Variants in HRH4 observed in about 807,000 individuals in gnomAD.
The protein encoded by HRH4 is histamine H4 receptor.
HRH4 carries 12 observed loss-of-function variants against 10.4 expected under a neutral mutation model. The ratio of observed to expected loss-of-function variants is 1.15; its 90% CI spans 0.74 to 1.87. HRH4 has a LOEUF of 1.87. HRH4 is among the 40% of genes most tolerant of loss of function. The probability of loss-of-function intolerance (pLI) is 0.00; values close to 1 mark genes in which losing one functional copy is unlikely to be tolerated. For missense variants in HRH4, 415 were observed against 453.3 expected (o/e 0.92, Z 0.77); for synonymous variants, 154 against 166.6 (o/e 0.92, Z 0.58).
intron 1 of HRH4, among the ~76,000 whole-genome samples, chr18:24,461,439 C>T (rs1272965779): frequency 6.6e-6 from 1 of 152,074 alleles, no homozygotes; most frequent in African/African-American, 2.4e-5. Flanking sequence ...AACTGCCTTG[C>T]ATATAATATG....
chr18:24,477,201 C>T lies in HRH4; in HGVS notation c.812C>T (p.Thr271Ile). Residue 271 changes from threonine (T) to isoleucine (I), a missense_variant, in exon 3 of 3, where the codon ACA becomes ATA. Coordinates refer to ENST00000256906, the MANE Select transcript of HRH4 (RefSeq NM_021624.4). ...TCAAGAACCAAGATGAATAGCAATA[C>T]AATTGCTTCCAAAATGGGTTCCTTC... ...FSSRTKMNSN[T>I]IASKMGSFSQ... 6.2e-7 allele frequency: 1 copy of T among 1,613,674 alleles called. No homozygotes were observed. Among genetic ancestry groups the T allele is most frequent in the Non-Finnish European group, 8.5e-7 (1 of 1,179,576 alleles).
chr18:24,476,145 T>C (rs1307760136), intron 2 of HRH4, among the ~76,000 whole-genome samples: 2 of 152,228 alleles, frequency 1.3e-5, no homozygotes, highest in Non-Finnish European at 2.9e-5. Context: ...TCTTTCTGTA[T>C]ATTGGAATCA....
At chr18:24,461,048 A>G (rs558158413) in intron 1 of HRH4, 127 bp downstream of exon 1, 2 of 676,132 alleles carry the variant, frequency 3.0e-6, no homozygotes, top group South Asian at 6.7e-5. Context: ...AAAAAGTTTA[A>G]GTATTAAATT....
chr18:24,469,099 C>G, intron 2 of HRH4, 148 bp downstream of exon 2: 1 of 607,726 alleles, frequency 1.6e-6, no homozygotes, highest in Non-Finnish European at 2.8e-6. Context: ...GCATAAAGTT[C>G]TTGCTGGTTG....
In HRH4 at chr18:24,470,716, C is replaced by G. The variant is rs528602527; in HGVS notation, c.357+1765C>G. Among the ~76,000 whole-genome samples, 4 of 151,180 alleles carry G rather than the reference C, an allele frequency of 2.6e-5. No homozygotes were observed. In the East Asian group the frequency reaches 5.8e-4, roughly 22 times the overall value. ...ATGGGCTTTCACCGTGTTGGCCAGG[C>G]TGGTTTTGTACTCCTGATCTCATGT... On this transcript the variant is annotated intron_variant, in intron 2 of 2. Coordinates refer to ENST00000256906, the MANE Select transcript of HRH4 (RefSeq NM_021624.4).
chr18:24,464,176 C>T (rs1367338984), intron 1 of HRH4, among the ~76,000 whole-genome samples: 3 of 152,192 alleles, frequency 2.0e-5, no homozygotes. Flanking sequence ...GTGGCTTAAA[C>T]AACTGACATT....
chr18:24,477,846 A>G lies in HRH4; in HGVS notation c.*284A>G, dbSNP rs1910189061. On this transcript the variant is annotated 3_prime_UTR_variant, in exon 3 of 3. Coordinates refer to ENST00000256906, the MANE Select transcript of HRH4 (RefSeq NM_021624.4). ...CAGTTTTGTTTTCTTTCTATGTTCC[A>G]TGCATAATACAGTCTTAAGTGAATT... is the stretch of plus-strand genomic sequence containing the variant. The G allele has an allele frequency of 3.4e-6, 1 of 291,694 alleles. No homozygotes were observed. Among genetic ancestry groups the G allele is most frequent in the Non-Finnish European group, 6.4e-6 (1 of 157,194 alleles). 18.1% of individuals were successfully genotyped at this position (291,694 alleles called of 1,614,324 possible). A position where few individuals can be genotyped will look rare whatever the true frequency, so the allele number is the denominator to read the frequency against.
chr18:24,475,259 G>A lies in HRH4; in HGVS notation c.358-1488G>A, dbSNP rs114755057. ...AAAAAAGATGGTGGCACTAGCCACA[G>A]TCATATCTCTCAAAGTGGCTGGTTG... On this transcript the variant is annotated intron_variant, in intron 2 of 2. Coordinates refer to ENST00000256906, the MANE Select transcript of HRH4 (RefSeq NM_021624.4). 5.1e-3 allele frequency among the ~76,000 whole-genome samples: 745 copies of A among 145,632 alleles called. 2 individuals carry two copies. The highest frequency in any genetic ancestry group is 0.018 in the African/African-American group (689 of 39,234).
In HRH4 at chr18:24,478,622, G is replaced by T. The variant is rs1490775111; in HGVS notation, c.*1060G>T. 2 of 152,334 alleles carry T rather than the reference G, an allele frequency of 1.3e-5. No homozygotes were observed. The highest frequency in any genetic ancestry group is 1.9e-4 in the East Asian group (1 of 5,202). The allele number at this position is 152,334 out of a possible 1,614,324, so 9.4% of individuals were successfully genotyped here. A position where few individuals can be genotyped will look rare whatever the true frequency, so the allele number is the denominator to read the frequency against. On this transcript the variant is annotated 3_prime_UTR_variant, in exon 3 of 3. Coordinates refer to ENST00000256906, the MANE Select transcript of HRH4 (RefSeq NM_021624.4). ...AGGCAGGGGAATTGCTTGAACCCGG[G>T]AGGCGGAGTTTGCCAGCCTGGCAAC...
In HRH4 at chr18:24,477,930, G is replaced by A. The variant is rs1003695796; in HGVS notation, c.*368G>A. On this transcript the variant is annotated 3_prime_UTR_variant, in exon 3 of 3. Transcript: ENST00000256906. ...TCCAGTTTGAAAATCATTCCCTAAA[G>A]CATGCAATAGGAAAAAGAACCTCCT... The A allele has an allele frequency of 6.0e-6, 1 of 165,904 alleles. No homozygotes were observed. Among genetic ancestry groups the A allele is most frequent in the African/African-American group, 2.4e-5 (1 of 41,742 alleles). The allele number at this position is 165,904 out of a possible 1,614,324, so 10.3% of individuals were successfully genotyped here.
chr18:24,460,934 T>G lies in HRH4; in HGVS notation c.193+13T>G, dbSNP rs1909621647. 2 of 1,491,770 alleles carry G rather than the reference T, an allele frequency of 1.3e-6. No homozygotes were observed. The highest frequency in any genetic ancestry group is 2.8e-5 in the African/African-American group (2 of 71,634). The allele number at this position is 1,491,770 out of a possible 1,614,324, so 92.4% of individuals were successfully genotyped here. A position where few individuals can be genotyped will look rare whatever the true frequency, so the allele number is the denominator to read the frequency against. On this transcript the variant is annotated intron_variant, in intron 1 of 2. Coordinates refer to ENST00000256906, the MANE Select transcript of HRH4 (RefSeq NM_021624.4). ...GACTTCTTTGTGGGTAAGTTATATGTCTTTATTTAAGACAGTCTTTTCCGA... is the reference window on the plus strand; with the variant it reads ...GACTTCTTTGTGGGTAAGTTATATGGCTTTATTTAAGACAGTCTTTTCCGA...
chr18:24,470,948 T>C (rs1909926065), intron 2 of HRH4, among the ~76,000 whole-genome samples: 1 of 148,438 alleles, frequency 6.7e-6, no homozygotes, highest in African/African-American at 2.5e-5. Context: ...TTTAACCAAG[T>C]AGTGCAGAAT....
chr18:24,474,881 T>C (rs1350164326), intron 2 of HRH4, among the ~76,000 whole-genome samples: 1 of 152,046 alleles, frequency 6.6e-6, no homozygotes, highest in East Asian at 1.9e-4. Context: ...AGATGGGGTT[T>C]CACCATGTTG....
In HRH4 at chr18:24,477,306, C is replaced by A. The variant is rs770309894; in HGVS notation, c.917C>A (p.Ala306Asp). 28 of 1,614,164 alleles carry A rather than the reference C, an allele frequency of 1.7e-5. No homozygotes were observed. The highest frequency in any genetic ancestry group is 1.1e-5 in the South Asian group (1 of 91,082). Residue 306 changes from alanine to aspartate, a missense_variant, in exon 3 of 3, where the codon GCC becomes GAC. Transcript: ENST00000256906. ...GCCAGGAGATTAGCCAAGTCACTGGCCATTCTCTTAGGGGTTTTTGCTGTT... is the reference window on the plus strand; with the variant it reads ...GCCAGGAGATTAGCCAAGTCACTGGACATTCTCTTAGGGGTTTTTGCTGTT... ...LRARRLAKSLAILLGVFAVCW... is the reference protein window; with the variant it reads ...LRARRLAKSLDILLGVFAVCW...
chr18:24,464,584 C>T (rs1346797638), intron 1 of HRH4, among the ~76,000 whole-genome samples: 3 of 152,126 alleles, frequency 2.0e-5, no homozygotes, highest in African/African-American at 2.4e-5. Context: ...GGGATTTTAG[C>T]TCCTGCCATC....
intron 2 of HRH4, 77 bp downstream of exon 2, chr18:24,469,028 T>C (rs1909861990): frequency 1.1e-5 from 13 of 1,147,768 alleles, no homozygotes; most frequent in South Asian, 1.6e-5. Context: ...AAAAATTCTT[T>C]TAAGCCTAAT....
rs115940020 is a variant in HRH4, at chr18:24,475,572, C to A, written c.358-1175C>A. Among the ~76,000 whole-genome samples the A allele has an allele frequency of 4.9e-3, 748 of 152,290 alleles. 2 individuals carry two copies. Among genetic ancestry groups the A allele is most frequent in the African/African-American group, 0.017 (692 of 41,546 alleles). ...CCTAGGCAGTCAAGGCTGCAGTGAG[C>A]TGTGATTGTGCCACTGCACTGCAGC... On this transcript the variant is annotated intron_variant, in intron 2 of 2. Coordinates refer to ENST00000256906, the MANE Select transcript of HRH4 (RefSeq NM_021624.4).
intron 1 of HRH4, among the ~76,000 whole-genome samples, chr18:24,461,244 A>G (rs373327113): frequency 1.3e-5 from 2 of 152,290 alleles, no homozygotes; most frequent in African/African-American, 4.8e-5. Flanking sequence ...GTTTAGGCTT[A>G]TAAGTATTCC....
rs1382712956 is a variant in HRH4, at chr18:24,478,996, C to T, written c.*1434C>T. 6.6e-6 allele frequency: 1 copy of T among 152,234 alleles called. No individual in the cohort carries two copies. Among genetic ancestry groups the T allele is most frequent in the Non-Finnish European group, 1.5e-5 (1 of 68,066 alleles). The allele number at this position is 152,234 out of a possible 1,614,324, so 9.4% of individuals were successfully genotyped here. ...GCAGTAGCATGATCAGGGATCACTG[C>T]AACCTCTGCCTCCTGGGTTCAAGCG... On this transcript the variant is annotated 3_prime_UTR_variant, in exon 3 of 3. Transcript: ENST00000256906.
Sources: allele counts gnomAD v4.1 joint callset (sites outside exome capture counted in the v4.1 genomes callset), GRCh38; gene constraint gnomAD v4.1.1; transcripts MANE v1.5; gene names NCBI Gene and HGNC (gene_info 2026-07-23, HGNC 2026-07-21).